NID2: variants seen among roughly 807,000 people sequenced by gnomAD.
NID2 encodes nidogen-2.
NID2 carries 83 observed loss-of-function variants against 145.4 expected under a neutral mutation model. The ratio of observed to expected loss-of-function variants is 0.57; its 90% CI spans 0.48 to 0.69. The LOEUF is 0.69. Among genes scored for constraint, NID2 ranks in the 30% least tolerant of loss-of-function variants. The probability of loss-of-function intolerance (pLI) is 0.00; values close to 1 mark genes in which losing one functional copy is unlikely to be tolerated. For missense variants in NID2, 1,807 were observed against 1,765.7 expected, an observed-to-expected ratio of 1.02 and a Z score of -0.42; for synonymous variants, 739 against 701.3, an observed-to-expected ratio of 1.05 and a Z score of -0.85.
rs140099358 is a variant in NID2, at chr14:52,046,656, C to G, written c.1430-3725G>C. Among the ~76,000 whole-genome samples, 17 of 152,306 alleles carry G rather than the reference C, an allele frequency of 1.1e-4. No homozygotes were observed. In the East Asian group the frequency reaches 3.1e-3, roughly 28 times the overall value. On this transcript the variant is annotated intron_variant, in intron 5 of 21. Coordinates refer to ENST00000216286, the MANE Select transcript of NID2 (RefSeq NM_007361.4). ...GTTTATAAATAGATTGGAAGCTGTA[C>G]TACATTTTTCTATTACAGAAAAAGA... is the stretch of plus-strand genomic sequence containing the variant.
At chr14:52,020,767 T>G (rs1334283212) in intron 12 of NID2, among the ~76,000 whole-genome samples, 1 of 151,896 alleles carries the variant, frequency 6.6e-6, no homozygotes, top group Non-Finnish European at 1.5e-5. Context: ...TTAGAAGAAA[T>G]AAGAAAAAAA....
chr14:52,044,675 C>T (rs886417919), intron 5 of NID2, among the ~76,000 whole-genome samples: 1 of 152,100 alleles, frequency 6.6e-6, no homozygotes, highest in Non-Finnish European at 1.5e-5. Flanking sequence ...AGCAGTGGTG[C>T]CATCTCGGCT....
At chr14:52,047,644 G>A (rs759816783) in intron 5 of NID2, among the ~76,000 whole-genome samples, 1 of 152,126 alleles carries the variant, frequency 6.6e-6, no homozygotes, top group Non-Finnish European at 1.5e-5. Flanking sequence ...TCTGAAGGTG[G>A]AACCGAGAGG....
Position 52,068,893 on chromosome 14 carries a change from G to C in NID2, c.102C>G (p.Asp34Glu), listed in dbSNP as rs1318986297. The stretch of plus-strand genomic sequence containing the variant: ...ACGACTCCCCGTGTGGGAAGAGCTC[G>C]TCTGGGTGCAGCGCCGCGGCCCGCA... ...LMLRAAALHP[D>E]ELFPHGESWG... The change falls in exon 1 of 22, where the codon GAC becomes GAG. Residue 34 changes from aspartate to glutamate, a missense_variant. Transcript: ENST00000216286. The C allele has an allele frequency of 1.9e-6, 3 of 1,613,948 alleles. No individual in the cohort carries two copies. Among genetic ancestry groups the C allele is most frequent in the African/African-American group, 1.3e-5 (1 of 74,950 alleles).
rs1250043534 is a variant in NID2 at position 52,040,809 on chromosome 14, C to A, written c.1868G>T (p.Gly623Val). The change falls in exon 8 of 22, where the codon GGA (glycine) becomes GTA (valine). Residue 623 changes from glycine (G) to valine (V), a missense_variant. Coordinates refer to ENST00000216286, the MANE Select transcript of NID2 (RefSeq NM_007361.4). ...TTGAGTGATACGAACCGTCTCCTCTCCCGGGTAGAATGTAACTTCCATGTC... is the reference window on the plus strand; with the variant it reads ...TTGAGTGATACGAACCGTCTCCTCTACCGGGTAGAATGTAACTTCCATGTC... ...THDMEVTFYP[G>V]EETVRITQTA... 2.5e-6 allele frequency: 4 copies of A among 1,614,046 alleles called. No individual in the cohort carries two copies. Among genetic ancestry groups the A allele is most frequent in the African/African-American group, 1.3e-5 (1 of 74,904 alleles).
rs58318209 is a variant in NID2, at chr14:52,035,878, A to ATATATT, written c.2257+2868_2257+2869insAATATA. Among the ~76,000 whole-genome samples, 84 of 135,186 alleles carry ATATATT rather than the reference A, an allele frequency of 6.2e-4. 1 individual carries two copies. Among genetic ancestry groups the ATATATT allele is most frequent in the African/African-American group, 2.2e-3 (79 of 35,428 alleles). 88.7% of individuals were successfully genotyped at this position (135,186 alleles called of 152,430 possible). ...TGTGTATATATATATATATATATAT[A>ATATATT]TGTTTTATTTTGTAGAGACAGGGTT... On this transcript the variant is annotated intron_variant, in intron 9 of 21. Transcript: ENST00000216286.
rs181688285 is a variant in NID2 at position 52,027,282 on chromosome 14, C to T, written c.2593G>A (p.Ala865Thr). 27 of 1,596,832 alleles carry T rather than the reference C, an allele frequency of 1.7e-5. No homozygotes were observed. The East Asian group carries it at 6.3e-4, about 37-fold the overall frequency. ...CTGCCTCCATGGTGAACACACCGGG[C>T]CTGCCCAGCAGGAGCACAGGTATGA... ...GSHTCAPAGQARCVHHGGSTF... is the reference protein window; with the variant it reads ...GSHTCAPAGQTRCVHHGGSTF... Residue 865 changes from alanine to threonine, a missense_variant, in exon 12 of 22, where the codon GCC (alanine) becomes ACC (threonine). Ala to Thr is a moderately conservative substitution (Grantham distance 58, BLOSUM62 0). Coordinates refer to ENST00000216286, the MANE Select transcript of NID2 (RefSeq NM_007361.4).
chr14:52,039,467 G>A (rs945056407), intron 8 of NID2, among the ~76,000 whole-genome samples: 4 of 152,212 alleles, frequency 2.6e-5, no homozygotes, highest in Non-Finnish European at 5.9e-5. Flanking sequence ...TCGCACTTCA[G>A]TAAATCTGAA....
Position 52,005,222 on chromosome 14 carries a change from A to G in NID2, c.*264T>C. ...TTAAATATTAATGATAAATGTTTAC[A>G]AGAAGTTGCTTTAATAAGCAACAGT... On this transcript the variant is annotated 3_prime_UTR_variant, in exon 22 of 22. Coordinates refer to ENST00000216286, the MANE Select transcript of NID2 (RefSeq NM_007361.4). The G allele has an allele frequency of 2.8e-6, 1 of 353,384 alleles. No homozygotes were observed. The highest frequency in any genetic ancestry group is 5.1e-6 in the Non-Finnish European group (1 of 197,014). The allele number at this position is 353,384 out of a possible 1,614,324, so 21.9% of individuals were successfully genotyped here.
At position 52,005,762 on chromosome 14, in the gene NID2, A is replaced by AGTT. The variant is rs1172130506; in HGVS notation, c.4089_4091dup (p.Thr1364dup). 1 of 1,613,808 alleles carries AGTT rather than the reference A, an allele frequency of 6.2e-7. No homozygotes were observed. Among genetic ancestry groups the AGTT allele is most frequent in the Admixed American group, 1.7e-5 (1 of 60,020 alleles). On this transcript the variant is annotated inframe_insertion, in exon 21 of 22. Transcript: ENST00000216286. ...CTGTTGGGCAGTAGGGGTAGACTGC[A>AGTT]GTTATCCCGTAGAGGTGAGATCGTT...
At chr14:52,037,871 A>C (rs1336460885) in intron 9 of NID2, among the ~76,000 whole-genome samples, 2 of 152,228 alleles carry the variant, frequency 1.3e-5, no homozygotes, top group African/African-American at 4.8e-5. Flanking sequence ...TTCTTTTTAA[A>C]AATTTATCTC....
intron 5 of NID2, among the ~76,000 whole-genome samples, chr14:52,045,688 G>A (rs1377606913): frequency 1.3e-5 from 2 of 152,158 alleles, no homozygotes; most frequent in African/African-American, 4.8e-5. Context: ...ACTTGGATGT[G>A]TCAAAATCTC....
At chr14:52,032,363 T>C (rs989464723) in intron 9 of NID2, among the ~76,000 whole-genome samples, 1 of 152,238 alleles carries the variant, frequency 6.6e-6, no homozygotes, top group South Asian at 2.1e-4. Flanking sequence ...TGATGAACTA[T>C]GTCAGCATAA....
intron 13 of NID2, 85 bp from the exon 14 acceptor site, chr14:52,019,379 T>C (rs1275296147): frequency 9.0e-7 from 1 of 1,113,038 alleles, no homozygotes; most frequent in Non-Finnish European, 1.2e-6. Flanking sequence ...CAGCGTGGCA[T>C]GGAAAAGCGC....
chr14:52,032,999 G>A (rs1891923361), intron 9 of NID2, among the ~76,000 whole-genome samples: 1 of 152,176 alleles, frequency 6.6e-6, no homozygotes, highest in African/African-American at 2.4e-5. Flanking sequence ...AAAGCAAAGC[G>A]TTAAACCAAG....
chr14:52,047,336 CAGG>C (rs1389595741), intron 5 of NID2, among the ~76,000 whole-genome samples: 2 of 151,856 alleles, frequency 1.3e-5, no homozygotes, highest in Non-Finnish European at 2.9e-5. Flanking sequence ...GAGCAGAGGC[CAGG>C]AGGAGGTGAG....
intron 2 of NID2, among the ~76,000 whole-genome samples, chr14:52,066,712 T>C (rs969765444): frequency 6.6e-6 from 1 of 152,320 alleles, no homozygotes; most frequent in Non-Finnish European, 1.5e-5. Context: ...GTACCATCCT[T>C]CTATAGTGAA....
chr14:52,008,004 A>C (rs745422828), intron 18 of NID2, 37 bp from the exon 19 acceptor site: 1 of 1,560,756 alleles, frequency 6.4e-7, no homozygotes, highest in Non-Finnish European at 8.7e-7. Context: ...AAGAATAGCC[A>C]TGTAGCCTGT....
intron 11 of NID2, 51 bp from the exon 12 acceptor site, chr14:52,027,395 G>T (rs750685733): frequency 8.3e-6 from 12 of 1,445,812 alleles, no homozygotes; most frequent in Non-Finnish European, 1.1e-5. Context: ...TGCAAAGGAT[G>T]AGCCTCACTC....
Sources: gnomAD v4.1 joint callset for allele counts (sites outside exome capture counted in the v4.1 genomes callset) on GRCh38, gnomAD v4.1.1 for gene constraint, MANE v1.5 for transcripts, NCBI Gene and HGNC (gene_info 2026-07-23, HGNC 2026-07-21) for gene names.